Variants in ARHGEF6 observed in about 807,000 individuals in gnomAD.
ARHGEF6 encodes the protein rho guanine nucleotide exchange factor 6.
Under a neutral mutation model 70.3 loss-of-function variants are expected in ARHGEF6, and 9 were observed. The ratio of observed to expected loss-of-function variants is 0.13; its 90% CI spans 0.08 to 0.22. The LOEUF (loss-of-function observed/expected upper bound fraction) is 0.22. Among genes scored for constraint, ARHGEF6 ranks in the 10% least tolerant of loss-of-function variants. The pLI is 1.00. For synonymous variants in ARHGEF6, 201 were observed against 207.8 expected (o/e 0.97, Z 0.28); for missense variants, 470 against 563.0 (o/e 0.83, Z 1.67).
chrX:136,680,602 A>T, intron 15 of ARHGEF6, 129 bp downstream of exon 15: 1 of 758,194 alleles, frequency 1.3e-6, no homozygotes, highest in Non-Finnish European at 2.0e-6. Context: ...GTTTAACTGT[A>T]CTTCAAAATC....
chrX:136,669,365 A>C, intron 21 of ARHGEF6, 117 bp downstream of exon 21: 1 of 651,468 alleles, frequency 1.5e-6, no homozygotes, highest in Non-Finnish European at 2.5e-6. Flanking sequence ...ACACAAGGAA[A>C]ACAAAAATCC....
chrX:136,667,903 G>A lies in ARHGEF6; in HGVS notation c.*126C>T. 1.1e-6 allele frequency: 1 copy of A among 890,309 alleles called. No individual in the cohort carries two copies. The highest frequency in any genetic ancestry group is 2.0e-5 in the African/African-American group (1 of 51,219). The allele number at this position is 890,309 out of a possible 1,213,427, so 73.4% of individuals were successfully genotyped here. A position where few individuals can be genotyped will look rare whatever the true frequency, so the allele number is the denominator to read the frequency against. Reference sequence around the variant, plus strand: ...AGCGGGGAGAGAAAGAGAAGAGAGAGGGAGAGAGAGAGAGAGACTCAAACA... The same window carrying A: ...AGCGGGGAGAGAAAGAGAAGAGAGAAGGAGAGAGAGAGAGAGACTCAAACA... On this transcript the variant is annotated 3_prime_UTR_variant, in exon 22 of 22. Transcript: ENST00000250617.
chrX:136,745,332 C>T lies in ARHGEF6; in HGVS notation c.350G>A (p.Arg117Lys), dbSNP rs753561970. The change falls in exon 4 of 22, where the codon AGA (arginine) becomes AAA (lysine). Residue 117 changes from arginine (R) to lysine (K), a missense_variant. This residue lies in a region of ARHGEF6 where 379 missense variants were observed against 449.3 expected (regional missense o/e 0.84). Transcript: ENST00000250617. ...AAGAGAAGAGGAACGTCCACATGGT[C>T]TTTCTGATAGCTGATCTGTGAAAAG... ...NKATEDQLSE[R>K]PCGRSSSLSA... 3.3e-6 allele frequency: 4 copies of T among 1,211,543 alleles called. No homozygotes were observed. In the South Asian group the frequency reaches 7.0e-5, roughly 21 times the overall value.
intron 2 of ARHGEF6, among the ~76,000 whole-genome samples, chrX:136,778,504 C>T (rs56192339): frequency 0.1 from 9,891 of 97,575 alleles, 877 homozygotes; most frequent in African/African-American, 0.29. Flanking sequence ...TTTTTTTTTT[C>T]GAGACAAGGT....
At chrX:136,747,979 C>G (rs2077113123) in intron 2 of ARHGEF6, among the ~76,000 whole-genome samples, 1 of 111,950 alleles carries the variant, frequency 8.9e-6, no homozygotes, top group Non-Finnish European at 1.9e-5. Flanking sequence ...ATAATGTCCT[C>G]GACAGTCCAT....
chrX:136,711,868 G>A (rs1292011468), intron 7 of ARHGEF6, among the ~76,000 whole-genome samples: 1 of 111,965 alleles, frequency 8.9e-6, no homozygotes, highest in Non-Finnish European at 1.9e-5. Flanking sequence ...GCCAGCCACT[G>A]CACCTGGCCC....
At position 136,738,419 on chromosome X, in the gene ARHGEF6, A is replaced by T. The variant is rs148374909; in HGVS notation, c.661+5166T>A. ...CTTCTCTATTAACGGAGTTCAGCAC[A>T]CTTCAAATATTTCCAATGTCTAAAG... On this transcript the variant is annotated intron_variant, in intron 5 of 21. Transcript: ENST00000250617. Among the ~76,000 whole-genome samples the T allele has an allele frequency of 8.1e-5, 9 of 111,699 alleles. No homozygotes were observed. The East Asian group carries it at 2.2e-3, about 28-fold the overall frequency.
rs774726588 is a variant in ARHGEF6 at position 136,774,872 on chromosome X, TGA to T, written c.249+4540_249+4541del. 3.7e-5 allele frequency among the ~76,000 whole-genome samples: 4 copies of T among 107,671 alleles called. No individual in the cohort carries two copies. In the South Asian group the frequency reaches 1.2e-3, roughly 33 times the overall value. The allele number at this position is 107,671 out of a possible 115,157, so 93.5% of individuals were successfully genotyped here. On this transcript the variant is annotated intron_variant, in intron 2 of 21. Transcript: ENST00000250617. ...TAGAGAGAGAGAAAGAAACAGAGAT[TGA>T]GAGAGAGAGTGCAAATTAGGCAATA...
chrX:136,700,500 C>G (rs779860520), intron 9 of ARHGEF6, among the ~76,000 whole-genome samples: 10 of 110,339 alleles, frequency 9.1e-5, no homozygotes, highest in African/African-American at 3.3e-4. Flanking sequence ...GCACTCCAGC[C>G]TGGGAGACAG....
At chrX:136,773,112 C>T (rs906134257) in intron 2 of ARHGEF6, among the ~76,000 whole-genome samples, 16 of 111,477 alleles carry the variant, frequency 1.4e-4, no homozygotes, top group Non-Finnish European at 2.8e-4. Context: ...AATGTCGTCA[C>T]CATGCCCCAG....
At chrX:136,669,625 A>G in intron 20 of ARHGEF6, 89 bp from the exon 21 acceptor site, 1 of 763,807 alleles carries the variant, frequency 1.3e-6, no homozygotes, top group Non-Finnish European at 2.0e-6. Flanking sequence ...TTATAAAAAT[A>G]CAGATCCTGA....
intron 2 of ARHGEF6, among the ~76,000 whole-genome samples, chrX:136,776,398 C>A (rs777556883): frequency 9.0e-6 from 1 of 111,636 alleles, no homozygotes; most frequent in Non-Finnish European, 1.9e-5. Context: ...ATACTTACAG[C>A]CAACTGGTCT....
intron 11 of ARHGEF6, among the ~76,000 whole-genome samples, chrX:136,687,620 A>C (rs910337193): frequency 3.6e-5 from 4 of 112,286 alleles, no homozygotes; most frequent in African/African-American, 1.3e-4. Flanking sequence ...CAGACTCGTC[A>C]TTAGGTGAGC....
At position 136,745,299 on chromosome X, in the gene ARHGEF6, G is replaced by T; in HGVS notation, c.383C>A (p.Ala128Asp). The change falls in exon 4 of 22, where the codon GCT becomes GAT. Residue 128 changes from alanine (A) to aspartate (D), a missense_variant. Coordinates refer to ENST00000250617, the MANE Select transcript of ARHGEF6 (RefSeq NM_004840.3). ...CTGTGGGTTTGTCTGAGAAGTATTA[G>T]CAGCACTAAGAGAAGAGGAACGTCC... ...PCGRSSSLSA[A>D]NTSQTNPQGA... 8.3e-7 allele frequency: 1 copy of T among 1,210,934 alleles called. No homozygotes were observed. Among genetic ancestry groups the T allele is most frequent in the Non-Finnish European group, 1.1e-6 (1 of 894,679 alleles).
At chrX:136,732,281 G>A (rs2076943872) in intron 5 of ARHGEF6, 109 bp from the exon 6 acceptor site, 3 of 596,523 alleles carry the variant, frequency 5.0e-6, no homozygotes, top group Non-Finnish European at 8.3e-6. Context: ...AAGGATCAAT[G>A]GAAATGTACA....
intron 9 of ARHGEF6, among the ~76,000 whole-genome samples, chrX:136,695,257 C>A (rs1165882646): frequency 8.9e-6 from 1 of 111,859 alleles, no homozygotes; most frequent in Non-Finnish European, 1.9e-5. Flanking sequence ...ATCCCTTTTA[C>A]CTGTAAATAA....
intron 10 of ARHGEF6, among the ~76,000 whole-genome samples, chrX:136,689,796 G>A (rs1312531028): frequency 1.8e-5 from 2 of 111,261 alleles, no homozygotes; most frequent in Non-Finnish European, 3.8e-5. Context: ...GGTAAATGCA[G>A]CCTCCTCCAG....
intron 2 of ARHGEF6, among the ~76,000 whole-genome samples, chrX:136,772,507 AC>A (rs1473929001): frequency 8.9e-6 from 1 of 112,423 alleles, no homozygotes; most frequent in Non-Finnish European, 1.9e-5. Flanking sequence ...CATTTCATGT[AC>A]CCCACAAATA....
At position 136,708,477 on chromosome X, in the gene ARHGEF6, T is replaced by C. The variant is rs1201272764; in HGVS notation, c.923+198A>G. Among the ~76,000 whole-genome samples the C allele has an allele frequency of 2.7e-5, 3 of 111,684 alleles. No individual in the cohort carries two copies. The East Asian group carries it at 8.3e-4, about 31-fold the overall frequency. On this transcript the variant is annotated intron_variant, in intron 8 of 21. Transcript: ENST00000250617. ...AAAGTCAAAAGTAATTTACAAGATA[T>C]AGACTTCTAATATACAACTAGTGGT...
Sources: gnomAD v4.1 joint callset for allele counts (sites outside exome capture counted in the v4.1 genomes callset) on GRCh38, gnomAD v4.1.1 for gene constraint, gnomAD v4.1.1 regional missense constraint, MANE v1.5 for transcripts, NCBI Gene and HGNC (gene_info 2026-07-23, HGNC 2026-07-21) for gene names.